Variants in EYS observed in about 807,000 individuals in gnomAD.
EYS encodes the protein EGF-like photoreceptor maintenance factor.
A neutral mutation model predicts 282.1 loss-of-function variants in EYS; 250 were observed. The ratio of observed to expected loss-of-function variants is 0.89; its 90% CI spans 0.80 to 0.98. EYS has a LOEUF of 0.98. Ranked by LOEUF, EYS falls within the 50% of genes least tolerant of loss-of-function variation. The pLI is 0.00. For synonymous variants in EYS, 1,355 were observed against 1,282.9 expected, an observed-to-expected ratio of 1.06 and a Z score of -1.20; for missense variants, 4,016 against 3,709.0, an observed-to-expected ratio of 1.08 and a Z score of -2.15.
chr6:65,506,330 T>C (rs1766651360), intron 2 of EYS, among the ~76,000 whole-genome samples: 1 of 152,080 alleles, frequency 6.6e-6, no homozygotes, highest in Non-Finnish European at 1.5e-5. Context: ...CATATTCCTC[T>C]TTCTATGTGC....
intron 22 of EYS, among the ~76,000 whole-genome samples, chr6:64,675,328 A>T (rs545349422): frequency 5.9e-5 from 9 of 152,198 alleles, no homozygotes; most frequent in African/African-American, 2.2e-4. Flanking sequence ...AGTTCTTAAT[A>T]AATGCAATAG....
chr6:64,987,917 T>G (rs189362576), intron 14 of EYS, among the ~76,000 whole-genome samples: 1 of 151,650 alleles, frequency 6.6e-6, no homozygotes, highest in Admixed American at 6.6e-5. Flanking sequence ...CACTTGTGTT[T>G]AATATAGTGT....
At chr6:64,205,300 C>T (rs558397835) in intron 31 of EYS, among the ~76,000 whole-genome samples, 89 of 152,168 alleles carry the variant, frequency 5.8e-4, no homozygotes, top group Non-Finnish European at 1.0e-3. Context: ...TTTGTGTTTT[C>T]CAGTTTTTAA....
At chr6:63,949,436 C>T (rs1241303238) in intron 35 of EYS, among the ~76,000 whole-genome samples, 1 of 152,136 alleles carries the variant, frequency 6.6e-6, no homozygotes, top group Non-Finnish European at 1.5e-5. Context: ...TATAAATATT[C>T]AATTCAGTGG....
At chr6:63,953,843 C>G (rs915771689) in intron 35 of EYS, among the ~76,000 whole-genome samples, 6 of 152,168 alleles carry the variant, frequency 3.9e-5, no homozygotes, top group Admixed American at 6.5e-5. Flanking sequence ...TGCCCTGTAG[C>G]CTTTCTGTCC....
In EYS at chr6:64,275,804, T is replaced by A. The variant is rs1376335156; in HGVS notation, c.6191+31166A>T. Among the ~76,000 whole-genome samples the A allele has an allele frequency of 3.2e-3, 232 of 71,760 alleles. 2 individuals carry two copies. Among genetic ancestry groups the A allele is most frequent in the East Asian group, 0.031 (120 of 3,862 alleles). 47.1% of individuals were successfully genotyped at this position (71,760 alleles called of 152,430 possible). A position where few individuals can be genotyped will look rare whatever the true frequency, so the allele number is the denominator to read the frequency against. On this transcript the variant is annotated intron_variant, in intron 30 of 42. Coordinates refer to ENST00000503581, the MANE Select transcript of EYS (RefSeq NM_001142800.2). ...CCCTGTGTCTACTAAAAAAATAAAA[T>A]AAAATAAAAAAATAGCTGGGCGTGG...
In EYS at chr6:64,034,053, C is replaced by T. The variant is rs80335682; in HGVS notation, c.6725+32285G>A. 9.7e-3 allele frequency among the ~76,000 whole-genome samples: 1,470 copies of T among 152,218 alleles called. 22 individuals are homozygous for T. The highest frequency in any genetic ancestry group is 0.034 in the African/African-American group (1,398 of 41,534). ...AGGGAAGTAAAAATGGATCTAGATT[C>T]CTAATAGATTGTTATTGGTCATGCC... On this transcript the variant is annotated intron_variant, in intron 33 of 42. Coordinates refer to ENST00000503581, the MANE Select transcript of EYS (RefSeq NM_001142800.2).
intron 33 of EYS, among the ~76,000 whole-genome samples, chr6:64,064,465 T>A (rs1260955929): frequency 1.3e-5 from 2 of 152,184 alleles, no homozygotes; most frequent in Non-Finnish European, 2.9e-5. Context: ...GTCAGCCTAC[T>A]CTCACTTTGA....
At chr6:65,392,391 A>G (rs1222689303) in intron 7 of EYS, among the ~76,000 whole-genome samples, 2 of 152,200 alleles carry the variant, frequency 1.3e-5, no homozygotes, top group African/African-American at 4.8e-5. Context: ...GGCAAGCAAC[A>G]AAATGGGAGA....
intron 26 of EYS, among the ~76,000 whole-genome samples, chr6:64,495,123 C>CTAAG (rs1776851757): frequency 6.6e-6 from 1 of 151,494 alleles, no homozygotes; most frequent in African/African-American, 2.4e-5. Flanking sequence ...TATTTTAATG[C>CTAAG]TAAGATAATA....
intron 19 of EYS, among the ~76,000 whole-genome samples, chr6:64,829,139 A>T (rs951906): frequency 6.6e-6 from 1 of 151,846 alleles, no homozygotes; most frequent in Non-Finnish European, 1.5e-5. Flanking sequence ...AAAGAAGCAT[A>T]TATTGGACTG....
At chr6:63,832,730 T>C (rs1206170807) in intron 36 of EYS, among the ~76,000 whole-genome samples, 1 of 152,050 alleles carries the variant, frequency 6.6e-6, no homozygotes, top group Non-Finnish European at 1.5e-5. Flanking sequence ...GCCAACATCA[T>C]CCTCATACCA....
chr6:64,115,655 C>T (rs565203201), intron 31 of EYS, among the ~76,000 whole-genome samples: 1 of 152,152 alleles, frequency 6.6e-6, no homozygotes, highest in Non-Finnish European at 1.5e-5. Flanking sequence ...CTGACCCTAC[C>T]CAGCTGGTGT....
At chr6:63,824,461 A>G (rs2149687176) in intron 36 of EYS, among the ~76,000 whole-genome samples, 1 of 152,334 alleles carries the variant, frequency 6.6e-6, no homozygotes, top group East Asian at 1.9e-4. Context: ...AGCTTCATAA[A>G]AAATTAAATG....
intron 10 of EYS, among the ~76,000 whole-genome samples, chr6:65,340,762 G>A (rs568642687): frequency 6.6e-6 from 1 of 151,262 alleles, no homozygotes; most frequent in South Asian, 2.1e-4. Flanking sequence ...CTTATTGAAA[G>A]AAGTCTAAAA....
At chr6:63,884,614 C>A (rs573869620) in intron 35 of EYS, among the ~76,000 whole-genome samples, 8 of 152,166 alleles carry the variant, frequency 5.3e-5, no homozygotes, top group African/African-American at 1.9e-4. Flanking sequence ...AAATACGCAC[C>A]AATTTTGTAA....
At chr6:65,040,486 C>T (rs962446862) in intron 13 of EYS, among the ~76,000 whole-genome samples, 2 of 151,662 alleles carry the variant, frequency 1.3e-5, no homozygotes, top group African/African-American at 4.8e-5. Context: ...TCAAGTATGA[C>T]TTCTCCTTAA....
chr6:64,818,750 C>T (rs966825644), intron 21 of EYS, among the ~76,000 whole-genome samples: 4 of 148,122 alleles, frequency 2.7e-5, no homozygotes, highest in African/African-American at 1.0e-4. Flanking sequence ...TTTATTCTAG[C>T]TGAGCTGGCA....
intron 13 of EYS, among the ~76,000 whole-genome samples, chr6:65,000,411 T>C (rs532077756): frequency 6.6e-6 from 1 of 152,348 alleles, no homozygotes; most frequent in Admixed American, 6.5e-5. Context: ...TCATATATAC[T>C]GGTTGTACTG....
Sources: allele counts gnomAD v4.1 joint callset (sites outside exome capture counted in the v4.1 genomes callset), GRCh38; gene constraint gnomAD v4.1.1; transcripts MANE v1.5; gene names NCBI Gene and HGNC (gene_info 2026-07-23, HGNC 2026-07-21).